DLG2: variants seen among roughly 807,000 people sequenced by gnomAD.
DLG2 encodes disks large homolog 2.
Under a neutral mutation model 132.5 loss-of-function variants are expected in DLG2, and 45 were observed. The observed-to-expected ratio is 0.34, with a 90% CI of 0.27 to 0.44. DLG2 has a LOEUF of 0.44. DLG2 is among the 20% of genes least tolerant of loss of function. The pLI is 1.00. For missense variants in DLG2, 1,045 were observed against 1,196.9 expected (o/e 0.87, Z 1.87); for synonymous variants, 424 against 419.6 (o/e 1.01, Z -0.13).
intron 9 of DLG2, among the ~76,000 whole-genome samples, chr11:84,137,941 G>C (rs2094673254): frequency 1.3e-5 from 2 of 152,134 alleles, no homozygotes; most frequent in Admixed American, 6.6e-5. Flanking sequence ...GAAACCAGAG[G>C]CAAGAATCCC....
At chr11:85,101,915 T>C (rs1329580025) in intron 6 of DLG2, among the ~76,000 whole-genome samples, 1 of 152,074 alleles carries the variant, frequency 6.6e-6, no homozygotes, top group African/African-American at 2.4e-5. Context: ...ACCCTCTTTA[T>C]ACAGTGGCTA....
intron 7 of DLG2, among the ~76,000 whole-genome samples, chr11:84,490,887 G>A (rs183531054): frequency 0.036 from 2,998 of 84,290 alleles, 79 homozygotes; most frequent in African/African-American, 0.23. Flanking sequence ...GAATGGTTGC[G>A]TGTGTGTGTG....
chr11:85,123,136 C>T (rs2074626414), intron 5 of DLG2, among the ~76,000 whole-genome samples: 1 of 150,854 alleles, frequency 6.6e-6, no homozygotes, highest in African/African-American at 2.4e-5. Context: ...TGCCACCACA[C>T]TCGGCTAATT....
chr11:84,957,943 G>A (rs1414970153), intron 6 of DLG2, among the ~76,000 whole-genome samples: 3 of 152,114 alleles, frequency 2.0e-5, no homozygotes, highest in Non-Finnish European at 4.4e-5. Flanking sequence ...TGTGCATAAG[G>A]AGACTGAGGG....
chr11:84,167,881 G>T (rs894033615), intron 8 of DLG2, among the ~76,000 whole-genome samples: 1 of 152,166 alleles, frequency 6.6e-6, no homozygotes, highest in Admixed American at 6.5e-5. Context: ...GACAAGGCTG[G>T]TCTCAAACTC....
intron 7 of DLG2, among the ~76,000 whole-genome samples, chr11:84,333,610 T>C (rs1436258578): frequency 6.6e-6 from 1 of 152,180 alleles, no homozygotes; most frequent in Non-Finnish European, 1.5e-5. Context: ...CCAAGCTCCT[T>C]AACTGCGAAT....
At chr11:84,832,203 G>A (rs949972013) in intron 6 of DLG2, among the ~76,000 whole-genome samples, 4 of 151,686 alleles carry the variant, frequency 2.6e-5, no homozygotes, top group Admixed American at 6.6e-5. Context: ...ACAACTCAGA[G>A]GAAGAAATCA....
intron 6 of DLG2, among the ~76,000 whole-genome samples, chr11:84,817,153 G>A (rs961743884): frequency 2.6e-5 from 4 of 151,994 alleles, no homozygotes; most frequent in Non-Finnish European, 5.9e-5. Context: ...TTTTAAAAGA[G>A]GACAAGCACT....
intron 18 of DLG2, among the ~76,000 whole-genome samples, chr11:83,689,396 T>G (rs2080443583): frequency 6.6e-6 from 1 of 152,152 alleles, no homozygotes; most frequent in Non-Finnish European, 1.5e-5. Context: ...AAAGACTAAC[T>G]TGATAGTAGG....
At chr11:85,245,119 A>T (rs2076070640) in intron 4 of DLG2, among the ~76,000 whole-genome samples, 1 of 151,948 alleles carries the variant, frequency 6.6e-6, no homozygotes, top group Admixed American at 6.6e-5. Flanking sequence ...TATTAAAGAC[A>T]ATATTGAAGA....
chr11:84,774,059 T>C (rs1240939123), intron 6 of DLG2, among the ~76,000 whole-genome samples: 1 of 152,054 alleles, frequency 6.6e-6, no homozygotes, highest in African/African-American at 2.4e-5. Context: ...TAAAAGACTC[T>C]TGGAACTGAT....
chr11:85,163,206 T>TAC (rs776985320), intron 4 of DLG2, among the ~76,000 whole-genome samples: 3,114 of 148,226 alleles, frequency 0.021, 75 homozygotes, highest in African/African-American at 0.058. Flanking sequence ...TTATATATAT[T>TAC]ACACACACAC....
At chr11:84,421,807 AG>A (rs1289540692) in intron 7 of DLG2, among the ~76,000 whole-genome samples, 1 of 152,178 alleles carries the variant, frequency 6.6e-6, no homozygotes, top group Non-Finnish European at 1.5e-5. Context: ...TTCATGAAAA[AG>A]CCATGCTCTT....
At chr11:83,920,014 G>A (rs1317525878) in intron 15 of DLG2, among the ~76,000 whole-genome samples, 4 of 152,116 alleles carry the variant, frequency 2.6e-5, no homozygotes, top group Non-Finnish European at 4.4e-5. Flanking sequence ...GATGAGTTAG[G>A]GCTGAAATCT....
chr11:85,388,831 G>A lies in DLG2; in HGVS notation c.41-103466C>T, dbSNP rs944332070. Among the ~76,000 whole-genome samples the A allele has an allele frequency of 2.0e-5, 3 of 152,090 alleles. No homozygotes were observed. The East Asian group carries it at 5.8e-4, about 29-fold the overall frequency. On this transcript the variant is annotated intron_variant, in intron 3 of 27. Coordinates refer to ENST00000376104, the MANE Select transcript of DLG2 (RefSeq NM_001142699.3). ...CCACATCAAGGCAGCACCGCCATGG[G>A]ACAAAAAAATCGGAACAGAAGCCCT...
chr11:85,598,404 A>G (rs1210308686), intron 3 of DLG2, among the ~76,000 whole-genome samples: 1 of 152,146 alleles, frequency 6.6e-6, no homozygotes, highest in African/African-American at 2.4e-5. Flanking sequence ...TTTATGAAAC[A>G]TTCTTTCAAT....
intron 10 of DLG2, among the ~76,000 whole-genome samples, chr11:84,081,593 G>A (rs2096904714): frequency 6.6e-6 from 1 of 152,166 alleles, no homozygotes; most frequent in East Asian, 1.9e-4. Context: ...TTGTGTCCTT[G>A]TGATAGTTTG....
At chr11:84,080,992 CAA>C (rs10707492) in intron 10 of DLG2, among the ~76,000 whole-genome samples, 7,465 of 137,052 alleles carry the variant, frequency 0.054, 363 homozygotes, top group African/African-American at 0.14. Context: ...AACTCTGTCT[CAA>C]AAAAAAAAAA....
chr11:84,946,586 T>C (rs560769356), intron 6 of DLG2, among the ~76,000 whole-genome samples: 13 of 151,970 alleles, frequency 8.6e-5, no homozygotes, highest in South Asian at 4.2e-4. Flanking sequence ...GGTATCCAAC[T>C]TACAAGACAA....
Sources: gnomAD v4.1 joint callset for allele counts (sites outside exome capture counted in the v4.1 genomes callset) on GRCh38, gnomAD v4.1.1 for gene constraint, MANE v1.5 for transcripts, NCBI Gene and HGNC (gene_info 2026-07-23, HGNC 2026-07-21) for gene names.